NBAS: variants seen among roughly 807,000 people sequenced by gnomAD.
NBAS encodes the protein NBAS subunit of NRZ tethering complex, also known as NAG/BC035112 fusion.
A neutral mutation model predicts 302.5 loss-of-function variants in NBAS; 219 were observed. The ratio of observed to expected loss-of-function variants is 0.72; its 90% CI spans 0.65 to 0.81. The LOEUF is 0.81. NBAS is among the 30% of genes least tolerant of loss of function. NBAS has a pLI of 0.00. For missense variants in NBAS, 2,932 were observed against 2,841.6 expected, an observed-to-expected ratio of 1.03 and a Z score of -0.72; for synonymous variants, 1,118 against 1,021.6, an observed-to-expected ratio of 1.09 and a Z score of -1.80.
the NBAS span, among the ~76,000 whole-genome samples, chr2:14,867,727 T>G: frequency 6.6e-6 from 1 of 152,244 alleles, no homozygotes; most frequent in African/African-American, 2.4e-5. Context: ...AATTTTTTGC[T>G]TGTCTTTTGT....
At chr2:15,420,622 C>T (rs1481889584) in intron 23 of NBAS, among the ~76,000 whole-genome samples, 1 of 152,048 alleles carries the variant, frequency 6.6e-6, no homozygotes, top group East Asian at 1.9e-4. Context: ...GAAAGCCACG[C>T]TAAGCAGGGG....
intron 39 of NBAS, 100 bp downstream of exon 39, chr2:15,309,068 CAGG>C (rs1302538750): frequency 1.8e-5 from 11 of 603,444 alleles, no homozygotes; most frequent in Non-Finnish European, 2.9e-5. Flanking sequence ...AAAAAAGAAA[CAGG>C]AGGAAATGGC....
intron 31 of NBAS, among the ~76,000 whole-genome samples, chr2:15,367,534 A>G (rs1256623142): frequency 2.6e-5 from 4 of 152,260 alleles, no homozygotes; most frequent in African/African-American, 9.6e-5. Context: ...AGGTACTATT[A>G]TCCTCAAGAG....
At chr2:14,998,102 A>G in the NBAS span, among the ~76,000 whole-genome samples, 2 of 152,210 alleles carry the variant, frequency 1.3e-5, no homozygotes, top group Non-Finnish European at 2.9e-5. Context: ...TAAACAGTAT[A>G]AACTCAACCA....
chr2:15,547,819 T>C (rs887910867), intron 6 of NBAS, among the ~76,000 whole-genome samples: 5 of 152,180 alleles, frequency 3.3e-5, no homozygotes, highest in African/African-American at 1.2e-4. Flanking sequence ...CAAGGCCTGG[T>C]CTACTCTAAA....
At chr2:15,264,516 C>T (rs1467804173) in intron 44 of NBAS, among the ~76,000 whole-genome samples, 2 of 152,132 alleles carry the variant, frequency 1.3e-5, no homozygotes, top group Non-Finnish European at 2.9e-5. Flanking sequence ...AATAATTTTC[C>T]AAGCACAGAG....
intron 9 of NBAS, among the ~76,000 whole-genome samples, chr2:15,522,832 T>G (rs1014831480): frequency 5.9e-5 from 9 of 152,246 alleles, no homozygotes; most frequent in Non-Finnish European, 1.0e-4. Flanking sequence ...CAAGCCTTAT[T>G]GATAACAAAA....
chr2:15,509,604 A>C (rs898893224), intron 10 of NBAS, among the ~76,000 whole-genome samples: 16 of 152,242 alleles, frequency 1.1e-4, no homozygotes, highest in African/African-American at 3.6e-4. Context: ...ATTATTGCTA[A>C]AGATTTCTTT....
At chr2:14,873,321 A>T in the NBAS span, among the ~76,000 whole-genome samples, 1 of 152,156 alleles carries the variant, frequency 6.6e-6, no homozygotes, top group Admixed American at 6.5e-5. Flanking sequence ...CCAGAAGCCC[A>T]ACTCGCTTCA....
intron 44 of NBAS, among the ~76,000 whole-genome samples, chr2:15,251,260 G>A (rs1039413519): frequency 1.3e-5 from 2 of 152,144 alleles, no homozygotes; most frequent in African/African-American, 4.8e-5. Context: ...TGAACAATGA[G>A]AACACATGGA....
intron 30 of NBAS, among the ~76,000 whole-genome samples, chr2:15,376,594 C>T (rs3828464): frequency 6.6e-6 from 1 of 151,896 alleles, no homozygotes; most frequent in African/African-American, 2.4e-5. Context: ...AAGATATCAC[C>T]TGTGTGGGGG....
intron 21 of NBAS, among the ~76,000 whole-genome samples, chr2:15,434,356 G>A (rs1028227900): frequency 6.6e-6 from 1 of 152,096 alleles, no homozygotes; most frequent in African/African-American, 2.4e-5. Context: ...CTTGCCTCTT[G>A]GGCAGATTAC....
the NBAS span, among the ~76,000 whole-genome samples, chr2:15,091,192 C>T: frequency 2.0e-5 from 3 of 152,276 alleles, no homozygotes; most frequent in African/African-American, 2.4e-5. Context: ...AACAAGAACT[C>T]GATGGGAAAC....
intron 41 of NBAS, among the ~76,000 whole-genome samples, chr2:15,291,437 A>G (rs538025189): frequency 1.6e-3 from 240 of 152,372 alleles, no homozygotes; most frequent in African/African-American, 5.3e-3. Context: ...GTGGTCTTAG[A>G]AACAAAACAT....
chr2:14,852,794 C>G, the NBAS span, among the ~76,000 whole-genome samples: 2 of 143,966 alleles, frequency 1.4e-5, no homozygotes, highest in African/African-American at 5.3e-5. Context: ...TGATCTTTGA[C>G]AAACCTGAGA....
At chr2:15,301,264 A>G (rs1353734652) in intron 40 of NBAS, among the ~76,000 whole-genome samples, 4 of 152,234 alleles carry the variant, frequency 2.6e-5, no homozygotes, top group Non-Finnish European at 5.9e-5. Flanking sequence ...TTTTTACCAG[A>G]GTAACCTTGA....
intron 35 of NBAS, among the ~76,000 whole-genome samples, chr2:15,350,743 T>C (rs1673315313): frequency 6.6e-6 from 1 of 152,222 alleles, no homozygotes; most frequent in Non-Finnish European, 1.5e-5. Flanking sequence ...GGATCTCTCC[T>C]GAGCTATCTC....
chr2:15,027,233 G>A, the NBAS span, among the ~76,000 whole-genome samples: 3 of 152,138 alleles, frequency 2.0e-5, no homozygotes, highest in Admixed American at 1.3e-4. Flanking sequence ...AGAGATTCTT[G>A]TTCCACACAT....
At chr2:15,075,605 T>C in the NBAS span, among the ~76,000 whole-genome samples, 74 of 152,234 alleles carry the variant, frequency 4.9e-4, no homozygotes, top group Non-Finnish European at 9.3e-4. Context: ...CAAGCCCCAA[T>C]TTCCTACTCA....
Sources: allele counts gnomAD v4.1 joint callset (sites outside exome capture counted in the v4.1 genomes callset), GRCh38; gene constraint gnomAD v4.1.1; transcripts MANE v1.5; gene names NCBI Gene and HGNC (gene_info 2026-07-23, HGNC 2026-07-21).